Variants in LRRC28 observed in about 807,000 individuals in gnomAD.
LRRC28 encodes leucine rich repeat containing 28.
LRRC28 carries 39 observed loss-of-function variants against 45.7 expected under a neutral mutation model. That is an observed-to-expected ratio of 0.85 (90% CI 0.66 to 1.12). LRRC28 has a LOEUF of 1.12. Among genes scored for constraint, LRRC28 ranks in the 50% most tolerant of loss-of-function variants. The pLI, the probability that LRRC28 is intolerant of heterozygous loss-of-function variation, is 0.00. For synonymous variants in LRRC28, 206 were observed against 178.8 expected (o/e 1.15, Z -1.22); for missense variants, 435 against 438.5 (o/e 0.99, Z 0.07).
Position 99,258,426 on chromosome 15 carries a change from A to G in LRRC28, c.168+2301A>G, listed in dbSNP as rs2081091767. ...TTGGATACAATTAAAAATCTCATCA[A>G]AAATATTCACAGTTCATAAACTTTC... On this transcript the variant is annotated intron_variant, in intron 2 of 9. Coordinates refer to ENST00000301981, the MANE Select transcript of LRRC28 (RefSeq NM_144598.5). The G allele has an allele frequency of 1.7e-5, 16 of 921,842 alleles. No individual in the cohort carries two copies. In the South Asian group the frequency reaches 2.1e-4, roughly 12 times the overall value. 57.1% of individuals were successfully genotyped at this position (921,842 alleles called of 1,614,324 possible).
At chr15:99,348,026 A>G (rs1049388429) in intron 6 of LRRC28, among the ~76,000 whole-genome samples, 1 of 152,162 alleles carries the variant, frequency 6.6e-6, no homozygotes, top group African/African-American at 2.4e-5. Flanking sequence ...TTCCTTTATT[A>G]GTGATGTTGA....
intron 6 of LRRC28, among the ~76,000 whole-genome samples, chr15:99,339,730 C>T (rs1299610240): frequency 2.7e-5 from 4 of 148,278 alleles, no homozygotes; most frequent in Admixed American, 6.7e-5. Context: ...AAAAAAAAAG[C>T]GATTGAATTT....
chr15:99,317,290 A>T (rs1202521687), intron 5 of LRRC28, among the ~76,000 whole-genome samples: 1 of 152,172 alleles, frequency 6.6e-6, no homozygotes, highest in Non-Finnish European at 1.5e-5. Context: ...TTGATAACCA[A>T]CCTTTTCCAA....
At chr15:99,313,842 T>TA in intron 5 of LRRC28, among the ~76,000 whole-genome samples, 1 of 152,140 alleles carries the variant, frequency 6.6e-6, no homozygotes, top group East Asian at 1.9e-4. Flanking sequence ...CTCTCTCTGG[T>TA]AGCCAAGCTT....
chr15:99,343,499 T>C (rs1212563760), intron 6 of LRRC28, among the ~76,000 whole-genome samples: 2 of 152,226 alleles, frequency 1.3e-5, no homozygotes, highest in African/African-American at 4.8e-5. Context: ...TGCTAATTTC[T>C]AAGTCAGAAA....
At chr15:99,286,959 A>C (rs1384004954) in intron 3 of LRRC28, 1 of 223,666 alleles carries the variant, frequency 4.5e-6, no homozygotes, top group East Asian at 9.6e-5. Context: ...AAAAACTAGT[A>C]ATTTGTGTTA....
At chr15:99,378,238 C>A (rs771396161) in intron 9 of LRRC28, among the ~76,000 whole-genome samples, 1 of 152,142 alleles carries the variant, frequency 6.6e-6, no homozygotes, top group African/African-American at 2.4e-5. Flanking sequence ...GTTTGTAGTT[C>A]TCCTTGAAGA....
chr15:99,290,419 A>G (rs1445730932), intron 5 of LRRC28, among the ~76,000 whole-genome samples: 2 of 152,186 alleles, frequency 1.3e-5, no homozygotes, highest in African/African-American at 2.4e-5. Flanking sequence ...CCTTTATTGT[A>G]TATCATCAGG....
At chr15:99,340,435 T>G (rs192610055) in intron 6 of LRRC28, among the ~76,000 whole-genome samples, 1 of 152,250 alleles carries the variant, frequency 6.6e-6, no homozygotes. Flanking sequence ...GAATTGCTGT[T>G]TACTATTTTT....
chr15:99,279,792 A>G (rs181370241), intron 3 of LRRC28, among the ~76,000 whole-genome samples: 1 of 152,288 alleles, frequency 6.6e-6, no homozygotes, highest in East Asian at 1.9e-4. Context: ...TAGCATTTGG[A>G]CATTTCTGAC....
At chr15:99,287,420 G>T in intron 4 of LRRC28, 126 bp downstream of exon 4, 1 of 641,808 alleles carries the variant, frequency 1.6e-6, no homozygotes, top group Non-Finnish European at 2.5e-6. Context: ...CTTCTAATAA[G>T]TCCAGTTAAG....
At chr15:99,312,124 C>T (rs1015380086) in intron 5 of LRRC28, among the ~76,000 whole-genome samples, 2 of 152,136 alleles carry the variant, frequency 1.3e-5, no homozygotes, top group Admixed American at 1.3e-4. Context: ...AATGGGAATA[C>T]ATTCTAAGAA....
At chr15:99,259,004 CTTG>C in intron 2 of LRRC28, 1 of 782,194 alleles carries the variant, frequency 1.3e-6, no homozygotes, top group Admixed American at 1.7e-5. Flanking sequence ...TAGGAAGAAA[CTTG>C]TTCATAAAAC....
chr15:99,378,246 A>G (rs867908833), intron 9 of LRRC28, among the ~76,000 whole-genome samples: 13 of 152,170 alleles, frequency 8.5e-5, no homozygotes, highest in African/African-American at 3.1e-4. Context: ...TTCTCCTTGA[A>G]GAGGTTCTTC....
Position 99,387,390 on chromosome 15 carries a change from G to A in LRRC28, c.*1288G>A, listed in dbSNP as rs1473116368. On this transcript the variant is annotated 3_prime_UTR_variant, in exon 10 of 10. Transcript: ENST00000301981. Reference sequence around the variant, plus strand: ...CTGGTTTTTAACAGGATGATTCAAAGTACAGCCCGTGCACATTTACTTCGT... The same window carrying A: ...CTGGTTTTTAACAGGATGATTCAAAATACAGCCCGTGCACATTTACTTCGT... 6.6e-6 allele frequency: 1 copy of A among 152,286 alleles called. No homozygotes were observed. Among genetic ancestry groups the A allele is most frequent in the African/African-American group, 2.4e-5 (1 of 41,468 alleles). 9.4% of individuals were successfully genotyped at this position (152,286 alleles called of 1,614,324 possible).
At chr15:99,376,799 G>GTT (rs1219322960) in intron 9 of LRRC28, among the ~76,000 whole-genome samples, 7 of 152,024 alleles carry the variant, frequency 4.6e-5, no homozygotes, top group Non-Finnish European at 1.0e-4. Flanking sequence ...GTGGTGTTTG[G>GTT]TTTTCTGTCC....
chr15:99,386,189 A>G lies in LRRC28; in HGVS notation c.*87A>G. ...CACACTCTTCCATCCTGTCCTGTCC[A>G]ATGCGGGGGCACTGCAGAACTCTCT... On this transcript the variant is annotated 3_prime_UTR_variant, in exon 10 of 10. Coordinates refer to ENST00000301981, the MANE Select transcript of LRRC28 (RefSeq NM_144598.5). The G allele has an allele frequency of 9.6e-7, 1 of 1,036,742 alleles. No homozygotes were observed. The highest frequency in any genetic ancestry group is 1.7e-5 in the Admixed American group (1 of 58,464). 64.2% of individuals were successfully genotyped at this position (1,036,742 alleles called of 1,614,324 possible).
At chr15:99,304,400 G>T (rs370927773) in intron 5 of LRRC28, among the ~76,000 whole-genome samples, 7 of 150,158 alleles carry the variant, frequency 4.7e-5, no homozygotes, top group Admixed American at 6.6e-5. Flanking sequence ...TCCTTTTTCC[G>T]GCACTCCATT....
At chr15:99,337,636 A>G (rs1203618611) in intron 6 of LRRC28, among the ~76,000 whole-genome samples, 1 of 152,194 alleles carries the variant, frequency 6.6e-6, no homozygotes, top group African/African-American at 2.4e-5. Context: ...TCCTTTGTGA[A>G]TTTGTGAATG....
Sources: gnomAD v4.1 joint callset for allele counts (sites outside exome capture counted in the v4.1 genomes callset) on GRCh38, gnomAD v4.1.1 for gene constraint, MANE v1.5 for transcripts, NCBI Gene and HGNC (gene_info 2026-07-23, HGNC 2026-07-21) for gene names.